Variants in PIEZO1 observed in about 807,000 individuals in gnomAD.
PIEZO1 encodes the protein piezo-type mechanosensitive ion channel component 1.
PIEZO1 carries 296 observed loss-of-function variants against 297.2 expected under a neutral mutation model. The observed-to-expected ratio is 1.00, with a 90% CI of 0.91 to 1.10. The LOEUF (loss-of-function observed/expected upper bound fraction) is 1.10. PIEZO1 is among the 50% of genes least tolerant of loss of function. The pLI is 0.00. For synonymous variants in PIEZO1, 2,427 were observed against 1,507.5 expected (o/e 1.61, Z -14.13); for missense variants, 5,018 against 3,455.5 (o/e 1.45, Z -11.34).
intron 1 of PIEZO1, among the ~76,000 whole-genome samples, chr16:88,770,846 A>G (rs1442246450): frequency 6.6e-6 from 1 of 152,214 alleles, no homozygotes; most frequent in African/African-American, 2.4e-5. Context: ...GCTGGGCCTC[A>G]TGTCCTCACC....
At chr16:88,777,377 C>A (rs983496839) in intron 1 of PIEZO1, among the ~76,000 whole-genome samples, 1 of 152,210 alleles carries the variant, frequency 6.6e-6, no homozygotes, top group Non-Finnish European at 1.5e-5. Context: ...ATTGCAGGGT[C>A]CTCATTGTCA....
intron 1 of PIEZO1, among the ~76,000 whole-genome samples, chr16:88,778,097 G>T (rs908213067): frequency 2.0e-5 from 3 of 152,182 alleles, no homozygotes; most frequent in African/African-American, 7.2e-5. Context: ...CACACGGGAG[G>T]GAGGGCGGAC....
intron 30 of PIEZO1, among the ~76,000 whole-genome samples, chr16:88,724,638 G>A (rs573336593): frequency 7.6e-4 from 116 of 152,148 alleles, no homozygotes; most frequent in Non-Finnish European, 1.2e-3. Context: ...AGATTGCAGT[G>A]AGCTGAGATC....
At chr16:88,775,396 T>C (rs946666156) in intron 1 of PIEZO1, among the ~76,000 whole-genome samples, 3 of 151,352 alleles carry the variant, frequency 2.0e-5, no homozygotes, top group Admixed American at 1.3e-4. Flanking sequence ...CCCCCAAGAG[T>C]GTCCGGGCTT....
chr16:88,780,774 A>C (rs1444744048), intron 1 of PIEZO1, among the ~76,000 whole-genome samples: 2 of 152,196 alleles, frequency 1.3e-5, no homozygotes, highest in African/African-American at 4.8e-5. Context: ...CAGCCTGGCC[A>C]AAGTGGTGAA....
intron 22 of PIEZO1, 100 bp downstream of exon 22, chr16:88,731,606 T>G: frequency 1.1e-6 from 1 of 881,088 alleles, no homozygotes; most frequent in Non-Finnish European, 1.8e-6. Flanking sequence ...CAAGGCTAAG[T>G]CTAGGAGGGT....
Position 88,716,285 on chromosome 16 carries a change from G to GA in PIEZO1, c.7050-9dup. On this transcript the variant is annotated splice_polypyrimidine_tract_variant and intron_variant, in intron 48 of 50. Coordinates refer to ENST00000301015, the MANE Select transcript of PIEZO1 (RefSeq NM_001142864.4). ...AAGAGATTAGGGATGACCCTGCAGGGAGGTGCTGGCAGGTCAGGCCTGGCC... is the reference window on the plus strand; with the variant it reads ...AAGAGATTAGGGATGACCCTGCAGGGAAGGTGCTGGCAGGTCAGGCCTGGCC... The GA allele has an allele frequency of 6.7e-7, 1 of 1,489,872 alleles. No individual in the cohort carries two copies. The allele number at this position is 1,489,872 out of a possible 1,614,324, so 92.3% of individuals were successfully genotyped here.
chr16:88,742,026 G>T (rs1375879801), intron 4 of PIEZO1, 27 bp downstream of exon 4: 1 of 1,534,994 alleles, frequency 6.5e-7, no homozygotes. Context: ...GAGGCTTGCT[G>T]GTTGGGGGTG....
Position 88,721,193 on chromosome 16 carries a change from G to C in PIEZO1, c.5641C>G (p.Pro1881Ala). ...ATGGCTGCCGCTCCTTTCCGTGCTG[G>C]GCCCTCCTTCTTCCTTCTTCTAAAA... ...LRFRRRKKEG[P>A]ARKGAAAIEA... Residue 1881 changes from proline to alanine, a missense_variant, in exon 39 of 51, where the codon CCA becomes GCA. Pro to Ala is a conservative substitution (Grantham distance 27, BLOSUM62 -1). Transcript: ENST00000301015. 1 of 1,511,056 alleles carries C rather than the reference G, an allele frequency of 6.6e-7. No homozygotes were observed. The highest frequency in any genetic ancestry group is 8.9e-7 in the Non-Finnish European group (1 of 1,128,960). The allele number at this position is 1,511,056 out of a possible 1,614,324, so 93.6% of individuals were successfully genotyped here. A position where few individuals can be genotyped will look rare whatever the true frequency, so the allele number is the denominator to read the frequency against.
chr16:88,727,179 C>T lies in PIEZO1; in HGVS notation c.3315G>A (p.Leu1105=). The change falls in exon 24 of 51, where the codon CTG becomes CTA. Residue 1105 remains leucine, a synonymous_variant. Transcript: ENST00000301015. The stretch of plus-strand genomic sequence containing the variant: ...GCCACTGCTGGGAGGCGCACAGCAG[C>T]AGGAGAAAGTCGCCTGCAGGACACA... ...NSTNLISDFL[L]LLCASQQWQV... 3 of 1,542,232 alleles carry T rather than the reference C, an allele frequency of 1.9e-6. No homozygotes were observed. Among genetic ancestry groups the T allele is most frequent in the Non-Finnish European group, 1.8e-6 (2 of 1,142,028 alleles).
chr16:88,742,960 G>T (rs28525359), intron 2 of PIEZO1: 248,908 of 407,440 alleles, frequency 0.61, 78,510 homozygotes, highest in Non-Finnish European at 0.69. Context: ...GTTGCATCCC[G>T]ATGCATGGCC....
chr16:88,731,626 T>G, intron 22 of PIEZO1, 80 bp downstream of exon 22: 2 of 1,103,456 alleles, frequency 1.8e-6, no homozygotes, highest in South Asian at 1.4e-5. Flanking sequence ...TGGACAGGAG[T>G]CTGGGGCAGG....
intron 39 of PIEZO1, among the ~76,000 whole-genome samples, 179 bp downstream of exon 39, chr16:88,720,987 A>G (rs1318858614): frequency 6.6e-5 from 10 of 152,140 alleles, no homozygotes; most frequent in Non-Finnish European, 1.0e-4. Flanking sequence ...CCCCGGGGGC[A>G]GCAGTCAGGG....
At position 88,721,928 on chromosome 16, in the gene PIEZO1, G is replaced by T. The variant is rs1414535256; in HGVS notation, c.5094C>A (p.Asn1698Lys). Residue 1698 changes from asparagine to lysine, a missense_variant, in exon 37 of 51, where the codon AAC (asparagine) becomes AAA (lysine). Asn to Lys is a moderately conservative substitution (Grantham distance 94, BLOSUM62 0). Coordinates refer to ENST00000301015, the MANE Select transcript of PIEZO1 (RefSeq NM_001142864.4). ...ELLCYFIIILNHMVTASAGSL... is the reference protein window; with the variant it reads ...ELLCYFIIILKHMVTASAGSL... The stretch of plus-strand genomic sequence containing the variant: ...AGCCGGCGGAGGCCGTGACCATGTG[G>T]TTGAGGATGATGATGAAGTAGCAGA... 1 of 1,550,194 alleles carries T rather than the reference G, an allele frequency of 6.5e-7. No homozygotes were observed. Among genetic ancestry groups the T allele is most frequent in the Non-Finnish European group, 8.7e-7 (1 of 1,146,822 alleles).
rs1341786828 is a variant in PIEZO1, at chr16:88,759,229, C to T, written c.65-9750G>A. Among the ~76,000 whole-genome samples, 5 of 152,260 alleles carry T rather than the reference C, an allele frequency of 3.3e-5. No individual in the cohort carries two copies. In the South Asian group the frequency reaches 6.2e-4, roughly 19 times the overall value. ...TCGTCTGAGTCCCCAGAGCTCACAG[C>T]GGCAGCTGCAGGGCTAGAACCTGGG... On this transcript the variant is annotated intron_variant, in intron 1 of 50. Transcript: ENST00000301015.
chr16:88,720,549 T>C lies in PIEZO1; in HGVS notation c.5802-17A>G. ...CCCTGGGCCCTGCGGAAGGGGGCGC[T>C]CAGCCTGGGCCCAGTACCCGCCTCC... On this transcript the variant is annotated splice_polypyrimidine_tract_variant and intron_variant, in intron 40 of 50. Coordinates refer to ENST00000301015, the MANE Select transcript of PIEZO1 (RefSeq NM_001142864.4). 6.5e-7 allele frequency: 1 copy of C among 1,548,864 alleles called. No homozygotes were observed.
chr16:88,776,320 G>A (rs948788315), intron 1 of PIEZO1, among the ~76,000 whole-genome samples: 1 of 152,102 alleles, frequency 6.6e-6, no homozygotes, highest in Non-Finnish European at 1.5e-5. Flanking sequence ...TGTAGTCCCA[G>A]CTACTCGGGA....
rs569396543 is a variant in PIEZO1 at position 88,721,792 on chromosome 16, C to T, written c.5214+16G>A. The T allele has an allele frequency of 4.9e-5, 76 of 1,537,012 alleles. No homozygotes were observed. The highest frequency in any genetic ancestry group is 1.7e-4 in the Middle Eastern group (1 of 5,928). On this transcript the variant is annotated intron_variant, in intron 37 of 50. Transcript: ENST00000301015. Reference sequence around the variant, plus strand: ...GCGGTGGGCCGGGCGCCCCCTCCCCCGCGGCCTCGGCCCACCTCGGTGAAG... The same window carrying T: ...GCGGTGGGCCGGGCGCCCCCTCCCCTGCGGCCTCGGCCCACCTCGGTGAAG...
In PIEZO1 at chr16:88,732,437, G is replaced by T; in HGVS notation, c.2889C>A (p.Ala963=). ...GGGTGCCGCTGGCAAACACGGCCTG[G>T]GCAGGCAGCGGGGCCAGCTGGTGCT... is the stretch of plus-strand genomic sequence containing the variant. The part of the protein sequence containing the change: ...RRQHQLAPLP[A]QAVFASGTRQ... The change falls in exon 21 of 51, where the codon GCC becomes GCA. Residue 963 remains alanine, a synonymous_variant. Coordinates refer to ENST00000301015, the MANE Select transcript of PIEZO1 (RefSeq NM_001142864.4). 6.5e-7 allele frequency: 1 copy of T among 1,549,678 alleles called. No individual in the cohort carries two copies. The highest frequency in any genetic ancestry group is 8.7e-7 in the Non-Finnish European group (1 of 1,146,492).
Sources: gnomAD v4.1 joint callset for allele counts (sites outside exome capture counted in the v4.1 genomes callset) on GRCh38, gnomAD v4.1.1 for gene constraint, MANE v1.5 for transcripts, NCBI Gene and HGNC (gene_info 2026-07-23, HGNC 2026-07-21) for gene names.